The following PRR5 variants were observed in gnomAD, a reference collection of about 807,000 sequenced individuals.
PRR5 encodes the protein proline-rich protein 5.
In PRR5, 25 loss-of-function variants were observed where a neutral mutation model predicts 30.6. That is an observed-to-expected ratio of 0.82 (90% CI 0.60 to 1.14). PRR5 has a LOEUF of 1.14. PRR5 is among the 50% of genes most tolerant of loss of function. The pLI, the probability that PRR5 is intolerant of heterozygous loss-of-function variation, is 0.00. For synonymous variants in PRR5, 286 were observed against 247.1 expected (o/e 1.16, Z -1.48); for missense variants, 600 against 547.1 (o/e 1.10, Z -0.96).
At chr22:44,675,109 G>A (rs1317346747), upstream of PRR5, among the ~76,000 whole-genome samples, 1 of 151,034 alleles carries the variant, frequency 6.6e-6, no homozygotes, top group African/African-American at 2.4e-5. Context: ...AATTAGCCGG[G>A]CGTGGTGGCA....
At chr22:44,686,264 G>A (rs28628479) in intron 1 of PRR5, among the ~76,000 whole-genome samples, 43,515 of 151,422 alleles carry the variant, frequency 0.29, 6,504 homozygotes, top group East Asian at 0.56. Flanking sequence ...AAAAAGAAAA[G>A]AAAAAGAAGT....
upstream of PRR5, among the ~76,000 whole-genome samples, chr22:44,698,484 A>T (rs1306083202): frequency 1.3e-5 from 2 of 152,234 alleles, no homozygotes; most frequent in East Asian, 3.9e-4. Context: ...ACAGAGGGAC[A>T]TTTCCCTTCC....
upstream of PRR5, among the ~76,000 whole-genome samples, chr22:44,701,924 C>T (rs1327862379): frequency 6.6e-6 from 1 of 150,826 alleles, no homozygotes; most frequent in Non-Finnish European, 1.5e-5. Context: ...CAGTGCTGGG[C>T]GGGGGGCGGG....
intron 1 of PRR5, among the ~76,000 whole-genome samples, chr22:44,714,376 G>A (rs1475798302): frequency 1.3e-5 from 2 of 152,164 alleles, no homozygotes; most frequent in Non-Finnish European, 2.9e-5. Context: ...AAGGTCCTGC[G>A]GCAGTGACCA....
chr22:44,677,696 G>A (rs994010013), intron 1 of PRR5, among the ~76,000 whole-genome samples: 4 of 152,180 alleles, frequency 2.6e-5, no homozygotes, highest in East Asian at 1.9e-4. Context: ...CTTATGCCAC[G>A]GTGAGGGGAG....
At chr22:44,697,351 T>C (rs1925851101), upstream of PRR5, among the ~76,000 whole-genome samples, 1 of 152,086 alleles carries the variant, frequency 6.6e-6, no homozygotes, top group Non-Finnish European at 1.5e-5. Flanking sequence ...TGACTGTGTG[T>C]GGATTTTTTC....
intron 4 of PRR5, among the ~76,000 whole-genome samples, chr22:44,728,466 G>C (rs1287386636): frequency 6.6e-6 from 1 of 152,244 alleles, no homozygotes; most frequent in East Asian, 1.9e-4. Context: ...CACAGACACG[G>C]ACCCGAGGGT....
intron 1 of PRR5, among the ~76,000 whole-genome samples, chr22:44,705,267 A>G (rs556736582): frequency 9.9e-4 from 151 of 152,076 alleles, no homozygotes; most frequent in Non-Finnish European, 1.2e-3. Flanking sequence ...TCACTCCAAT[A>G]TGTACCTCCC....
At chr22:44,725,376 T>A (rs1920926931) in intron 3 of PRR5, 84 bp downstream of exon 3, 2 of 1,576,236 alleles carry the variant, frequency 1.3e-6, no homozygotes, top group African/African-American at 2.7e-5. Context: ...CCCGGGGGTG[T>A]GGAGCGCCGG....
chr22:44,682,313 G>C (rs1245189670), intron 1 of PRR5, among the ~76,000 whole-genome samples: 2 of 152,210 alleles, frequency 1.3e-5, no homozygotes, highest in Non-Finnish European at 2.9e-5. Context: ...TAATACAGGG[G>C]ATGCCATAGG....
chr22:44,736,467 T>C (rs1277460237), intron 7 of PRR5, among the ~76,000 whole-genome samples: 1 of 151,484 alleles, frequency 6.6e-6, no homozygotes, highest in African/African-American at 2.4e-5. Flanking sequence ...GTGGGGAAAC[T>C]GAGGCACGGG....
At chr22:44,702,129 GC>G (rs994012645), upstream of PRR5, 23 of 208,392 alleles carry the variant, frequency 1.1e-4, no homozygotes, top group Admixed American at 6.9e-4. Flanking sequence ...CGCCCGCGAT[GC>G]CCCCGCCCCC....
intron 4 of PRR5, among the ~76,000 whole-genome samples, chr22:44,727,476 C>A (rs1013515564): frequency 2.0e-5 from 3 of 152,194 alleles, no homozygotes; most frequent in African/African-American, 7.2e-5. Flanking sequence ...TGCTGGACTG[C>A]CCCGAGTGTT....
At chr22:44,698,738 T>A (rs907826635), upstream of PRR5, among the ~76,000 whole-genome samples, 3 of 152,236 alleles carry the variant, frequency 2.0e-5, no homozygotes, top group Admixed American at 6.5e-5. Context: ...TCTGTGTCAA[T>A]CTCTCCGTTG....
At chr22:44,687,356 G>A (rs1209044899) in intron 1 of PRR5, among the ~76,000 whole-genome samples, 1 of 140 alleles carries the variant, frequency 7.1e-3, no homozygotes, top group African/African-American at 0.033. Context: ...TCCCTATCCA[G>A]AGCGTTTTAT....
chr22:44,677,050 G>A (rs1923825054), upstream of PRR5: 2 of 152,372 alleles, frequency 1.3e-5, no homozygotes, highest in African/African-American at 4.8e-5. Context: ...CTCCTAATGT[G>A]TAAGCCATTC....
intron 1 of PRR5, among the ~76,000 whole-genome samples, chr22:44,693,326 G>A (rs1348810326): frequency 6.6e-6 from 1 of 152,108 alleles, no homozygotes; most frequent in East Asian, 1.9e-4. Context: ...GTCAGGTGTG[G>A]TGGCGTGTGC....
chr22:44,735,724 C>G (rs1923111278), intron 7 of PRR5, among the ~76,000 whole-genome samples: 1 of 152,196 alleles, frequency 6.6e-6, no homozygotes, highest in Non-Finnish European at 1.5e-5. Context: ...ACCAGTGAGT[C>G]TCCTCCACGA....
intron 1 of PRR5, among the ~76,000 whole-genome samples, chr22:44,712,024 G>A (rs1191560701): frequency 6.6e-6 from 1 of 152,104 alleles, no homozygotes; most frequent in African/African-American, 2.4e-5. Flanking sequence ...CTGTGACATA[G>A]TTGTGGGGCT....
Sources: allele counts gnomAD v4.1 joint callset (sites outside exome capture counted in the v4.1 genomes callset), GRCh38; gene constraint gnomAD v4.1.1; transcripts MANE v1.5; gene names NCBI Gene and HGNC (gene_info 2026-07-23, HGNC 2026-07-21).